GRK7: variants seen among roughly 807,000 people sequenced by gnomAD.
GRK7 encodes rhodopsin kinase GRK7.
A neutral mutation model predicts 34.1 loss-of-function variants in GRK7; 24 were observed. The ratio of observed to expected loss-of-function variants is 0.70; its 90% CI spans 0.51 to 0.99. GRK7 has a LOEUF of 0.99. Among genes scored for constraint, GRK7 ranks in the 50% least tolerant of loss-of-function variants. The pLI is 0.00. For synonymous variants in GRK7, 256 were observed against 279.4 expected, an observed-to-expected ratio of 0.92 and a Z score of 0.84; for missense variants, 644 against 707.3, an observed-to-expected ratio of 0.91 and a Z score of 1.02.
chr3:141,802,183 T>C (rs1358580160), intron 4 of GRK7, among the ~76,000 whole-genome samples: 1 of 151,824 alleles, frequency 6.6e-6, no homozygotes, highest in Non-Finnish European at 1.5e-5. Flanking sequence ...AGAGACCCCG[T>C]CTGTACCAAA....
chr3:141,798,454 TACACAC>T (rs1317329589), intron 4 of GRK7, among the ~76,000 whole-genome samples: 1 of 151,514 alleles, frequency 6.6e-6, no homozygotes, highest in East Asian at 1.9e-4. Context: ...ATAAAACACA[TACACAC>T]ACACACACCC....
At chr3:141,805,335 G>T (rs376070886) in intron 4 of GRK7, among the ~76,000 whole-genome samples, 4 of 152,192 alleles carry the variant, frequency 2.6e-5, no homozygotes, top group African/African-American at 9.7e-5. Context: ...TCTAGTCACC[G>T]TCTTTGTCGT....
upstream of GRK7, among the ~76,000 whole-genome samples, chr3:141,762,992 C>T (rs1360746752): frequency 2.6e-5 from 4 of 152,212 alleles, no homozygotes; most frequent in South Asian, 2.1e-4. Context: ...GGCTCGCGCC[C>T]GGTGCGCGCA....
At chr3:141,812,871 AGT>A (rs1160436213) in intron 5 of GRK7, among the ~76,000 whole-genome samples, 1 of 152,098 alleles carries the variant, frequency 6.6e-6, no homozygotes, top group Non-Finnish European at 1.5e-5. Context: ...CACCTGACAC[AGT>A]GTGTTCAATT....
intron 1 of GRK7, among the ~76,000 whole-genome samples, chr3:141,766,218 C>T (rs945923151): frequency 6.6e-6 from 1 of 151,600 alleles, no homozygotes; most frequent in Non-Finnish European, 1.5e-5. Context: ...GGCTGGAGTG[C>T]AGTGGCGCGA....
At chr3:141,784,470 A>G (rs1045614796) in intron 4 of GRK7, among the ~76,000 whole-genome samples, 2 of 152,188 alleles carry the variant, frequency 1.3e-5, no homozygotes, top group Non-Finnish European at 2.9e-5. Context: ...CAAGATTGAA[A>G]GCCATAAAAA....
At chr3:141,776,535 G>C (rs2084640106) in intron 2 of GRK7, among the ~76,000 whole-genome samples, 1 of 152,168 alleles carries the variant, frequency 6.6e-6, no homozygotes, top group South Asian at 2.1e-4. Flanking sequence ...AAAGCAGACA[G>C]CATGGTTCAG....
In GRK7 at chr3:141,819,043, A is replaced by AT. The variant is rs146007277; in HGVS notation, c.*2004dup. ...AGCAGGATAGAAGTGTGCCCAGGAG[A>AT]TTTTTTTTTTTCCTGAAGTAAGAAA... is the stretch of plus-strand genomic sequence containing the variant. On this transcript the variant is annotated 3_prime_UTR_variant, in exon 6 of 6. Transcript: ENST00000682958. Among the ~76,000 whole-genome samples the AT allele has an allele frequency of 0.011, 1,678 of 148,558 alleles. 30 individuals are homozygous for AT. Among genetic ancestry groups the AT allele is most frequent in the African/African-American group, 0.038 (1,545 of 40,678 alleles).
chr3:141,776,556 A>AC (rs1190094442), intron 2 of GRK7, among the ~76,000 whole-genome samples: 1 of 152,200 alleles, frequency 6.6e-6, no homozygotes, highest in African/African-American at 2.4e-5. Context: ...AGCAGCGGGC[A>AC]CCGGTGCAGA....
At chr3:141,795,319 A>G (rs1190663736) in intron 4 of GRK7, among the ~76,000 whole-genome samples, 4 of 53,756 alleles carry the variant, frequency 7.4e-5, no homozygotes, top group Non-Finnish European at 1.3e-4. Context: ...TAGTGGGTAG[A>G]GGCAGGGATA....
At chr3:141,775,604 G>A (rs960497304) in intron 2 of GRK7, among the ~76,000 whole-genome samples, 3 of 152,000 alleles carry the variant, frequency 2.0e-5, no homozygotes, top group African/African-American at 4.8e-5. Context: ...TTTGAAATTT[G>A]CCTGGTTTGA....
chr3:141,756,227 G>T, the GRK7 span, among the ~76,000 whole-genome samples: 2 of 151,394 alleles, frequency 1.3e-5, no homozygotes, highest in Non-Finnish European at 2.9e-5. Context: ...CAAGAGAATC[G>T]CTTGAACCCA....
intron 5 of GRK7, 68 bp downstream of exon 5, chr3:141,807,987 T>G (rs1369851218): frequency 1.4e-6 from 2 of 1,380,398 alleles, no homozygotes; most frequent in Non-Finnish European, 1.9e-6. Context: ...GAGAATACTT[T>G]TGATTTGTGG....
intron 4 of GRK7, among the ~76,000 whole-genome samples, chr3:141,799,791 A>G (rs897651654): frequency 6.6e-6 from 1 of 152,242 alleles, no homozygotes; most frequent in Non-Finnish European, 1.5e-5. Flanking sequence ...GCATGGAATA[A>G]GCACTCAATA....
rs781727846 is a variant in GRK7, at chr3:141,778,402, C to T, written c.118C>T (p.Pro40Ser). 5 of 1,612,556 alleles carry T rather than the reference C, an allele frequency of 3.1e-6. No homozygotes were observed. The highest frequency in any genetic ancestry group is 4.2e-6 in the Non-Finnish European group (5 of 1,179,654). ...GCGGCGGCGGCGTAGCCTGGCCCTG[C>T]CCGGGCTGCAGGGCTGCGCGGAGCT... is the stretch of plus-strand genomic sequence containing the variant. ...LQRRRRSLAL[P>S]GLQGCAELRQ... is the part of the protein sequence containing the mutation. The change falls in exon 3 of 6, where the codon CCC becomes TCC. Residue 40 changes from proline (P) to serine (S), a missense_variant. Pro to Ser is a moderately conservative substitution (Grantham distance 74). Transcript: ENST00000682958. This position sits in a 1 kb window ranked among gnomAD's most constrained non-coding sequence, Gnocchi z 4.1.
At chr3:141,815,231 TTTTGTTTG>T (rs10576210) in intron 5 of GRK7, among the ~76,000 whole-genome samples, 2,485 of 148,364 alleles carry the variant, frequency 0.017, 22 homozygotes, top group African/African-American at 0.019. Context: ...GGTTGGTTTT[TTTTGTTTG>T]TTTGTTTGTT....
At position 141,807,819 on chromosome 3, in the gene GRK7, C is replaced by T; in HGVS notation, c.1225C>T (p.Gln409Ter). The stretch of plus-strand genomic sequence containing the variant: ...AGAGGATCTGAAGCAAAGAACTCTG[C>T]AAGACGAGGTCAAATTCCAGCATGA... ...SKEDLKQRTL[Q>*]DEVKFQHDNF... Residue 409 changes from glutamine (Q) to a stop codon, truncating the protein, a stop_gained, in exon 5 of 6, where the codon CAA becomes TAA. Transcript: ENST00000682958. LOFTEE classifies it high-confidence loss of function. 6.2e-7 allele frequency: 1 copy of T among 1,614,102 alleles called. No homozygotes were observed. The highest frequency in any genetic ancestry group is 8.5e-7 in the Non-Finnish European group (1 of 1,179,970).
chr3:141,753,207 T>G, the GRK7 span, among the ~76,000 whole-genome samples: 1 of 152,220 alleles, frequency 6.6e-6, no homozygotes, highest in African/African-American at 2.4e-5. Context: ...CCTCCAAAAT[T>G]GCTTTTTTAA....
intron 4 of GRK7, among the ~76,000 whole-genome samples, chr3:141,787,811 C>G (rs953247342): frequency 6.7e-6 from 1 of 148,422 alleles, no homozygotes; most frequent in African/African-American, 2.5e-5. Flanking sequence ...AGTTTGAGAC[C>G]AGTCTAGGCA....
Sources: gnomAD v4.1 joint callset for allele counts (sites outside exome capture counted in the v4.1 genomes callset) on GRCh38, gnomAD v4.1.1 for gene constraint, Gnocchi (gnomAD v3.1) non-coding constraint, MANE v1.5 for transcripts, NCBI Gene and HGNC (gene_info 2026-07-23, HGNC 2026-07-21) for gene names.